Variants in ADGRL3 observed in about 807,000 individuals in gnomAD.
The protein encoded by ADGRL3 is adhesion G protein-coupled receptor L3, also known as calcium-independent alpha-latrotoxin receptor 3.
ADGRL3 carries 62 observed loss-of-function variants against 153.5 expected under a neutral mutation model. The observed-to-expected ratio is 0.40, with a 90% CI of 0.33 to 0.50. The LOEUF (loss-of-function observed/expected upper bound fraction) is 0.50, where lower values mean the gene tolerates loss of function less well. Ranked by LOEUF, ADGRL3 falls within the 20% of genes least tolerant of loss-of-function variation. ADGRL3 has a pLI of 0.47. For synonymous variants in ADGRL3, 710 were observed against 672.5 expected (o/e 1.06, Z -0.86); for missense variants, 1,641 against 1,859.4 (o/e 0.88, Z 2.16).
At chr4:61,511,796 T>C (rs1419457753) in intron 3 of ADGRL3, among the ~76,000 whole-genome samples, 3 of 152,152 alleles carry the variant, frequency 2.0e-5, no homozygotes, top group Non-Finnish European at 4.4e-5. Context: ...AGACCCAGAA[T>C]TGAAACAGAT....
chr4:61,759,570 G>C (rs1168170242), intron 8 of ADGRL3, among the ~76,000 whole-genome samples: 1 of 151,972 alleles, frequency 6.6e-6, no homozygotes. Flanking sequence ...TTAGCCATTC[G>C]TCTAATTTTT....
At chr4:61,503,561 A>G (rs547225640) in intron 3 of ADGRL3, among the ~76,000 whole-genome samples, 2 of 151,958 alleles carry the variant, frequency 1.3e-5, no homozygotes, top group Non-Finnish European at 2.9e-5. Context: ...TTTTCTTTAT[A>G]TTGTCAAATT....
chr4:61,231,412 G>T (rs543195830), intron 1 of ADGRL3, among the ~76,000 whole-genome samples: 1 of 152,216 alleles, frequency 6.6e-6, no homozygotes, highest in Admixed American at 6.5e-5. Flanking sequence ...ATTCCCAAGG[G>T]AATTAATTTC....
intron 8 of ADGRL3, among the ~76,000 whole-genome samples, chr4:61,778,334 G>A (rs1381447306): frequency 6.6e-6 from 1 of 152,150 alleles, no homozygotes; most frequent in African/African-American, 2.4e-5. Flanking sequence ...CCTTTATTTG[G>A]TTGAGCGGTA....
At chr4:61,839,690 T>C (rs2097996691) in intron 9 of ADGRL3, among the ~76,000 whole-genome samples, 1 of 151,950 alleles carries the variant, frequency 6.6e-6, no homozygotes, top group African/African-American at 2.4e-5. Flanking sequence ...CCCAACACTT[T>C]GGGTAGGCCA....
At chr4:61,443,686 T>G (rs2097550234) in intron 2 of ADGRL3, among the ~76,000 whole-genome samples, 1 of 152,150 alleles carries the variant, frequency 6.6e-6, no homozygotes, top group South Asian at 2.1e-4. Context: ...ACATTTTGGC[T>G]CTCTATACTC....
chr4:61,291,214 A>ACG (rs1173716737), intron 1 of ADGRL3, among the ~76,000 whole-genome samples: 2,895 of 132,820 alleles, frequency 0.022, 62 homozygotes, highest in East Asian at 0.074. Context: ...ACACACACAC[A>ACG]CACGCACACA....
chr4:61,430,499 T>C (rs1454458575), intron 2 of ADGRL3, among the ~76,000 whole-genome samples: 1 of 152,198 alleles, frequency 6.6e-6, no homozygotes, highest in African/African-American at 2.4e-5. Flanking sequence ...TAAGACACTG[T>C]ACATGCAACT....
intron 1 of ADGRL3, among the ~76,000 whole-genome samples, chr4:61,284,749 TTAAAA>T (rs757300757): frequency 1.3e-5 from 2 of 151,780 alleles, no homozygotes; most frequent in Non-Finnish European, 2.9e-5. Flanking sequence ...GTGTGCTTTC[TTAAAA>T]TAAACAAATG....
At chr4:61,597,209 A>G (rs1004800768) in intron 5 of ADGRL3, among the ~76,000 whole-genome samples, 1 of 152,142 alleles carries the variant, frequency 6.6e-6, no homozygotes, top group East Asian at 1.9e-4. Context: ...GTATTGAGAA[A>G]GTAATGCTTG....
chr4:61,412,762 G>T (rs1172860533), intron 2 of ADGRL3, among the ~76,000 whole-genome samples: 3 of 152,040 alleles, frequency 2.0e-5, no homozygotes, highest in Non-Finnish European at 4.4e-5. Context: ...TCCTGTTCTA[G>T]ATTTTTTTAT....
chr4:61,410,965 C>T (rs181516944), intron 2 of ADGRL3, among the ~76,000 whole-genome samples: 1 of 152,252 alleles, frequency 6.6e-6, no homozygotes, highest in African/African-American at 2.4e-5. Context: ...AACCAAGGCC[C>T]TTGGTGTCTG....
intron 9 of ADGRL3, among the ~76,000 whole-genome samples, chr4:61,882,929 AC>A (rs1449186236): frequency 1.3e-5 from 2 of 151,962 alleles, no homozygotes; most frequent in Non-Finnish European, 2.9e-5. Flanking sequence ...ACATGGTGAA[AC>A]CCCGTCTCTA....
intron 8 of ADGRL3, among the ~76,000 whole-genome samples, chr4:61,791,593 G>A (rs949001830): frequency 6.6e-6 from 1 of 152,196 alleles, no homozygotes. Context: ...GGAGGACAGA[G>A]GCCCTCTTCT....
intron 8 of ADGRL3, among the ~76,000 whole-genome samples, chr4:61,736,562 G>A (rs913020723): frequency 2.0e-5 from 3 of 152,122 alleles, no homozygotes; most frequent in Non-Finnish European, 4.4e-5. Context: ...GGAGGTTGAG[G>A]CAGGAGAATC....
intron 6 of ADGRL3, among the ~76,000 whole-genome samples, chr4:61,697,713 A>G (rs557903201): frequency 1.6e-4 from 25 of 152,296 alleles, no homozygotes; most frequent in African/African-American, 2.6e-4. Flanking sequence ...CAAAAGTTCA[A>G]TGTAACAAAC....
intron 2 of ADGRL3, among the ~76,000 whole-genome samples, chr4:61,413,502 G>A (rs1317110054): frequency 1.3e-5 from 2 of 152,138 alleles, no homozygotes; most frequent in African/African-American, 4.8e-5. Context: ...TTATAACCTA[G>A]TGGAGATGGA....
At chr4:61,524,546 G>A (rs926119977) in intron 4 of ADGRL3, among the ~76,000 whole-genome samples, 5 of 152,012 alleles carry the variant, frequency 3.3e-5, no homozygotes, top group African/African-American at 1.2e-4. Context: ...TGGAATTGCA[G>A]TAAATGGGCT....
At chr4:61,509,124 CTT>C (rs57550950) in intron 3 of ADGRL3, among the ~76,000 whole-genome samples, 6 of 118,562 alleles carry the variant, frequency 5.1e-5, no homozygotes, top group Admixed American at 9.1e-5. Context: ...CATATCACAT[CTT>C]TTTTTTTTTT....
Sources: allele counts gnomAD v4.1 joint callset (sites outside exome capture counted in the v4.1 genomes callset), GRCh38; gene constraint gnomAD v4.1.1; transcripts MANE v1.5; gene names NCBI Gene and HGNC (gene_info 2026-07-23, HGNC 2026-07-21).